Variants in MACF1 observed in about 807,000 individuals in gnomAD.
The protein encoded by MACF1 is microtubule-actin cross-linking factor 1.
Under a neutral mutation model 854.8 loss-of-function variants are expected in MACF1, and 193 were observed. The ratio of observed to expected loss-of-function variants is 0.23; its 90% CI spans 0.20 to 0.25. MACF1 has a LOEUF of 0.25. MACF1 is among the 10% of genes least tolerant of loss of function. The probability of loss-of-function intolerance (pLI) is 1.00; values close to 1 mark genes in which losing one functional copy is unlikely to be tolerated. For synonymous variants in MACF1, 3,185 were observed against 3,226.7 expected (o/e 0.99, Z 0.44); for missense variants, 7,722 against 8,929.1 (o/e 0.86, Z 5.45).
chr1:39,263,764 C>CTTTTTTCTTTTTTTTTTTTTTTTTT (rs1645194170), intron 6 of MACF1, among the ~76,000 whole-genome samples: 1 of 96,020 alleles, frequency 1.0e-5, no homozygotes, highest in Non-Finnish European at 2.1e-5. Context: ...CATCTTTTTT[C>CTTTTTTCTTTTTTTTTTTTTTTTTT]TTTTTTCTTT....
In MACF1 at chr1:39,336,587, C is replaced by T. The variant is rs1183607969; in HGVS notation, c.9999C>T (p.Pro3333=). ...AAAGCCCTGGCAGTGAACAAACTCC[C>T]TTCATGACTGCACCTGAAGGAAAGG... ...LRESPGSEQT[P]FMTAPEGKGN... is the part of the protein sequence containing the mutation. Residue 3333 remains proline (P), a synonymous_variant, in exon 37 of 101, where the codon CCC becomes CCT. Transcript: ENST00000564288. 3 of 1,614,034 alleles carry T rather than the reference C, an allele frequency of 1.9e-6. No homozygotes were observed. The highest frequency in any genetic ancestry group is 1.3e-5 in the African/African-American group (1 of 75,018).
chr1:39,475,598 G>T (rs1300545147), intron 97 of MACF1, among the ~76,000 whole-genome samples: 1 of 152,120 alleles, frequency 6.6e-6, no homozygotes, highest in African/African-American at 2.4e-5. Context: ...GGTGCTCCAT[G>T]AAACACCTGA....
At chr1:39,455,649 G>A (rs1014352290) in intron 89 of MACF1, among the ~76,000 whole-genome samples, 1 of 152,164 alleles carries the variant, frequency 6.6e-6, no homozygotes, top group Non-Finnish European at 1.5e-5. Context: ...GAATCCTGGG[G>A]GCCTTTTTAG....
rs747884788 is a variant in MACF1 at position 39,447,530 on chromosome 1, C to T, written c.19704C>T (p.Ile6568=). 17 of 1,614,002 alleles carry T rather than the reference C, an allele frequency of 1.1e-5. No homozygotes were observed. The highest frequency in any genetic ancestry group is 6.7e-5 in the African/African-American group (5 of 74,922). ...WLTLAEQSLN[I]ASPPSLILNT... is the part of the protein sequence containing the mutation. ...CTCTAGCAGAGCAGAGTTTAAACAT[C>T]GCTTCTCCACCAAGCCTGATTCTAA... Residue 6568 remains isoleucine, a synonymous_variant, in exon 81 of 101, where the codon ATC becomes ATT. Coordinates refer to ENST00000564288, the MANE Select transcript of MACF1 (RefSeq NM_001394062.1).
intron 2 of MACF1, among the ~76,000 whole-genome samples, chr1:39,158,465 A>AT (rs1643733622): frequency 1.3e-5 from 2 of 152,146 alleles, no homozygotes; most frequent in East Asian, 3.9e-4. Flanking sequence ...AACTTGTCTC[A>AT]TTGCCATGTA....
rs146658665 is a variant in MACF1 at position 39,483,442 on chromosome 1, C to A, written c.22282-1159C>A. ...ATGAGGGGGTGAGCCACACGTGTAT[C>A]TGGGGTAGGCTTGGGGTGTGGTGAT... is the stretch of plus-strand genomic sequence containing the variant. On this transcript the variant is annotated intron_variant, in intron 99 of 100. Coordinates refer to ENST00000564288, the MANE Select transcript of MACF1 (RefSeq NM_001394062.1). Among the ~76,000 whole-genome samples the A allele has an allele frequency of 5.5e-4, 83 of 152,240 alleles. 1 individual carries two copies. In the East Asian group the frequency reaches 0.015, roughly 28 times the overall value.
chr1:39,177,684 C>T (rs1644049247), intron 2 of MACF1, among the ~76,000 whole-genome samples: 1 of 151,978 alleles, frequency 6.6e-6, no homozygotes, highest in South Asian at 2.1e-4. Flanking sequence ...ATAATATAAC[C>T]ATCTTTCAGA....
At chr1:39,471,127 CTG>C (rs61226452) in intron 97 of MACF1, among the ~76,000 whole-genome samples, 23,909 of 152,100 alleles carry the variant, frequency 0.16, 2,336 homozygotes, top group Middle Eastern at 0.22. Flanking sequence ...AATCCATTGA[CTG>C]TGGAGAGAAC....
intron 3 of MACF1, among the ~76,000 whole-genome samples, chr1:39,250,435 T>G (rs909378674): frequency 6.6e-6 from 1 of 152,208 alleles, no homozygotes; most frequent in South Asian, 2.1e-4. Context: ...AAAGGTTTTT[T>G]TGAATTAGGT....
At chr1:39,271,693 G>A (rs1009909716) in intron 6 of MACF1, among the ~76,000 whole-genome samples, 10 of 152,308 alleles carry the variant, frequency 6.6e-5, no homozygotes, top group African/African-American at 2.2e-4. Context: ...TTGAAATTGT[G>A]TAGTCATCAT....
chr1:39,112,922 A>G (rs1422369592), intron 2 of MACF1, among the ~76,000 whole-genome samples: 2 of 151,988 alleles, frequency 1.3e-5, no homozygotes, highest in Non-Finnish European at 2.9e-5. Context: ...GTTTGAGGCT[A>G]CAGTGAGCTA....
chr1:39,251,864 AC>A lies in MACF1; in HGVS notation c.283del (p.Leu95SerfsTer4), dbSNP rs1386498342. ...GCCAAAGGAGCCAGCAGGGCTGAAG[AC>A]CCTCCGTCTGGTGAGCATGCCCTCC... The part of the protein sequence containing the change: ...GIKLEPAGLK[T>X]LRLVSMPSWC... On this transcript the variant is annotated frameshift_variant, in exon 4 of 101. Coordinates refer to ENST00000564288, the MANE Select transcript of MACF1 (RefSeq NM_001394062.1). LOFTEE classifies it high-confidence loss of function. 1.2e-5 allele frequency: 18 copies of A among 1,483,676 alleles called. No homozygotes were observed. Among genetic ancestry groups the A allele is most frequent in the Admixed American group, 6.5e-5 (3 of 46,092 alleles). The allele number at this position is 1,483,676 out of a possible 1,614,324, so 91.9% of individuals were successfully genotyped here.
At chr1:39,477,147 C>CTTAGTGT (rs1644922821) in intron 97 of MACF1, among the ~76,000 whole-genome samples, 1 of 83,838 alleles carries the variant, frequency 1.2e-5, no homozygotes, top group Non-Finnish European at 2.6e-5. Context: ...CACACACACA[C>CTTAGTGT]ACACACAGAT....
At chr1:39,240,124 G>T (rs1416297184) in intron 2 of MACF1, among the ~76,000 whole-genome samples, 1 of 152,144 alleles carries the variant, frequency 6.6e-6, no homozygotes, top group Non-Finnish European at 1.5e-5. Context: ...CAGGTATTCT[G>T]TCCTATACAG....
At chr1:39,162,570 A>T (rs1643823440) in intron 2 of MACF1, among the ~76,000 whole-genome samples, 1 of 152,148 alleles carries the variant, frequency 6.6e-6, no homozygotes, top group South Asian at 2.1e-4. Context: ...GGCACTTTAA[A>T]CATACTTGTT....
At chr1:39,352,264 G>A (rs1647206773) in intron 43 of MACF1, among the ~76,000 whole-genome samples, 2 of 152,188 alleles carry the variant, frequency 1.3e-5, no homozygotes, top group Non-Finnish European at 2.9e-5. Context: ...GAGGCAAGTT[G>A]AAGAATTAAA....
At chr1:39,436,026 C>T in intron 70 of MACF1, 1 of 450,758 alleles carries the variant, frequency 2.2e-6, no homozygotes, top group African/African-American at 2.0e-5. Context: ...TGTGATGATC[C>T]TTTAGCAGAT....
At chr1:39,391,454 C>T (rs1290249709) in intron 58 of MACF1, among the ~76,000 whole-genome samples, 2 of 152,054 alleles carry the variant, frequency 1.3e-5, no homozygotes, top group Non-Finnish European at 2.9e-5. Context: ...GGATTTCTGC[C>T]CACCACCATG....
intron 2 of MACF1, among the ~76,000 whole-genome samples, chr1:39,134,821 A>G (rs1382979135): frequency 6.6e-6 from 1 of 152,188 alleles, no homozygotes; most frequent in African/African-American, 2.4e-5. Flanking sequence ...GCCATCTGTA[A>G]GGGTAAATAT....
Sources: allele counts gnomAD v4.1 joint callset (sites outside exome capture counted in the v4.1 genomes callset), GRCh38; gene constraint gnomAD v4.1.1; transcripts MANE v1.5; gene names NCBI Gene and HGNC (gene_info 2026-07-23, HGNC 2026-07-21).